GRIA4: variants seen among roughly 807,000 people sequenced by gnomAD.
GRIA4 encodes the protein glutamate receptor 4.
GRIA4 carries 34 observed loss-of-function variants against 104.0 expected under a neutral mutation model. The ratio of observed to expected loss-of-function variants is 0.33; its 90% CI spans 0.25 to 0.44. GRIA4 has a LOEUF of 0.44. Ranked by LOEUF, GRIA4 falls within the 20% of genes least tolerant of loss-of-function variation. GRIA4 has a pLI of 1.00. For synonymous variants in GRIA4, 386 were observed against 381.9 expected (o/e 1.01, Z -0.13); for missense variants, 750 against 1,096.5 (o/e 0.68, Z 4.46).
At chr11:105,962,802 C>A (rs1948774727) in intron 14 of GRIA4, among the ~76,000 whole-genome samples, 1 of 152,086 alleles carries the variant, frequency 6.6e-6, no homozygotes, top group Non-Finnish European at 1.5e-5. Context: ...GCTTTTTCCT[C>A]CTCTTCTATT....
intron 3 of GRIA4, among the ~76,000 whole-genome samples, chr11:105,695,303 TC>T (rs1953230236): frequency 1.3e-5 from 2 of 152,158 alleles, no homozygotes; most frequent in Non-Finnish European, 2.9e-5. Context: ...TTCCATCTCT[TC>T]CCAGCTGATT....
At chr11:105,681,751 A>G (rs1468118236) in intron 3 of GRIA4, among the ~76,000 whole-genome samples, 1 of 152,188 alleles carries the variant, frequency 6.6e-6, no homozygotes, top group Non-Finnish European at 1.5e-5. Context: ...AAAATATTTG[A>G]TTAAAAACAG....
At chr11:105,909,859 A>G (rs1185546228) in intron 9 of GRIA4, among the ~76,000 whole-genome samples, 3 of 152,226 alleles carry the variant, frequency 2.0e-5, no homozygotes, top group African/African-American at 4.8e-5. Flanking sequence ...TAATATTTGA[A>G]AGCGAAAACA....
In GRIA4 at chr11:105,626,053, C is replaced by A. The variant is rs180855085; in HGVS notation, c.247+13619C>A. ...GTATAGGATAGATGTGGGATGATGCCAGGATATGAATCAATACATTTTAGG... is the reference window on the plus strand; with the variant it reads ...GTATAGGATAGATGTGGGATGATGCAAGGATATGAATCAATACATTTTAGG... On this transcript the variant is annotated intron_variant, in intron 3 of 16. Transcript: ENST00000282499. Among the ~76,000 whole-genome samples the A allele has an allele frequency of 9.2e-5, 14 of 152,074 alleles. No individual in the cohort carries two copies. The East Asian group carries it at 2.7e-3, about 29-fold the overall frequency.
intron 4 of GRIA4, among the ~76,000 whole-genome samples, chr11:105,854,829 G>C (rs1944952513): frequency 6.6e-6 from 1 of 152,098 alleles, no homozygotes; most frequent in Admixed American, 6.6e-5. Flanking sequence ...GTGGTGAAAA[G>C]TCCCTAAGCT....
At chr11:105,785,839 G>A (rs962500758) in intron 4 of GRIA4, among the ~76,000 whole-genome samples, 4 of 152,042 alleles carry the variant, frequency 2.6e-5, no homozygotes, top group African/African-American at 9.7e-5. Flanking sequence ...AAGTATTCAT[G>A]CCTAGAATGA....
At chr11:105,637,215 G>C (rs559498776) in intron 3 of GRIA4, among the ~76,000 whole-genome samples, 1 of 152,140 alleles carries the variant, frequency 6.6e-6, no homozygotes, top group African/African-American at 2.4e-5. Context: ...CCTTAACATT[G>C]GAAGTGGAAA....
chr11:105,943,879 T>C (rs934108941), intron 14 of GRIA4, among the ~76,000 whole-genome samples: 32 of 152,108 alleles, frequency 2.1e-4, no homozygotes, highest in African/African-American at 7.5e-4. Flanking sequence ...GCTCTCTCTC[T>C]CTATATATAT....
At chr11:105,769,430 C>CA (rs1408399672) in intron 4 of GRIA4, among the ~76,000 whole-genome samples, 2 of 151,906 alleles carry the variant, frequency 1.3e-5, no homozygotes, top group Non-Finnish European at 2.9e-5. Context: ...ACAGTGTACC[C>CA]ATGAGTATGA....
intron 3 of GRIA4, among the ~76,000 whole-genome samples, chr11:105,629,338 T>G (rs977331602): frequency 1.3e-5 from 2 of 151,934 alleles, no homozygotes; most frequent in African/African-American, 4.8e-5. Flanking sequence ...ACTCTAGATT[T>G]TCAAAATTAT....
intron 4 of GRIA4, among the ~76,000 whole-genome samples, chr11:105,834,180 T>G (rs1944088659): frequency 6.6e-6 from 1 of 152,032 alleles, no homozygotes; most frequent in Non-Finnish European, 1.5e-5. Flanking sequence ...GTTGTTCTCT[T>G]TATGTCTCCA....
In GRIA4 at chr11:105,682,809, C is replaced by T. The variant is rs978174456; in HGVS notation, c.248-70172C>T. On this transcript the variant is annotated intron_variant, in intron 3 of 16. Coordinates refer to ENST00000282499, the MANE Select transcript of GRIA4 (RefSeq NM_000829.4). ...CTCTAGGAAATGACAGTTGCCTTTA[C>T]AGTAATGAATGATCTGAACCACAGA... Among the ~76,000 whole-genome samples the T allele has an allele frequency of 1.9e-4, 29 of 152,174 alleles. 1 individual carries two copies. Among genetic ancestry groups the T allele is most frequent in the African/African-American group, 6.8e-4 (28 of 41,454 alleles).
chr11:105,953,537 C>T (rs943314156), intron 14 of GRIA4, among the ~76,000 whole-genome samples: 17 of 152,214 alleles, frequency 1.1e-4, no homozygotes, highest in Middle Eastern at 3.4e-3. Context: ...AATGAATAGT[C>T]TATGTAGAGT....
intron 13 of GRIA4, among the ~76,000 whole-genome samples, chr11:105,932,289 C>T (rs1253997116): frequency 6.6e-6 from 1 of 152,100 alleles, no homozygotes; most frequent in Non-Finnish European, 1.5e-5. Context: ...CAGGCATGCG[C>T]TGCTATGCCC....
intron 3 of GRIA4, among the ~76,000 whole-genome samples, chr11:105,632,795 A>G (rs1232258481): frequency 6.6e-6 from 1 of 152,226 alleles, no homozygotes; most frequent in Non-Finnish European, 1.5e-5. Context: ...TTAAAAAGAA[A>G]GAAAAAATTT....
chr11:105,646,168 C>G (rs546491459), intron 3 of GRIA4, among the ~76,000 whole-genome samples: 1 of 152,168 alleles, frequency 6.6e-6, no homozygotes, highest in African/African-American at 2.4e-5. Context: ...TAATTTGGAA[C>G]ATAAGTCACC....
chr11:105,704,870 A>G (rs2135532025), intron 3 of GRIA4, among the ~76,000 whole-genome samples: 1 of 152,284 alleles, frequency 6.6e-6, no homozygotes, highest in Admixed American at 6.5e-5. Flanking sequence ...CACTCCTTAT[A>G]AAAACATCAT....
intron 3 of GRIA4, among the ~76,000 whole-genome samples, chr11:105,701,838 G>A (rs1953504576): frequency 6.6e-6 from 1 of 152,244 alleles, no homozygotes; most frequent in South Asian, 2.1e-4. Context: ...TTAAAGTTAG[G>A]TGTGTAACTT....
At chr11:105,768,053 C>A (rs745345632) in intron 4 of GRIA4, among the ~76,000 whole-genome samples, 1 of 152,022 alleles carries the variant, frequency 6.6e-6, no homozygotes, top group Non-Finnish European at 1.5e-5. Flanking sequence ...AGTCACAGAT[C>A]CAAATATTTC....
Sources: gnomAD v4.1 joint callset for allele counts (sites outside exome capture counted in the v4.1 genomes callset) on GRCh38, gnomAD v4.1.1 for gene constraint, MANE v1.5 for transcripts, NCBI Gene and HGNC (gene_info 2026-07-23, HGNC 2026-07-21) for gene names.